Variants in SUMF1 observed in about 807,000 individuals in gnomAD.
SUMF1 encodes the protein sulfatase modifying factor 1, also known as formylglycine-generating enzyme.
Under a neutral mutation model 47.6 loss-of-function variants are expected in SUMF1, and 48 were observed. The observed-to-expected ratio is 1.01, with a 90% CI of 0.80 to 1.28. The LOEUF (loss-of-function observed/expected upper bound fraction) is 1.28. Among genes scored for constraint, SUMF1 ranks in the 50% most tolerant of loss-of-function variants. The probability of loss-of-function intolerance (pLI) is 0.00; values close to 1 mark genes in which losing one functional copy is unlikely to be tolerated. For missense variants in SUMF1, 571 were observed against 485.4 expected, an observed-to-expected ratio of 1.18 and a Z score of -1.66; for synonymous variants, 230 against 192.1, an observed-to-expected ratio of 1.20 and a Z score of -1.63.
intron 9 of SUMF1, among the ~76,000 whole-genome samples, chr3:4,036,106 C>A (rs1029777662): frequency 6.6e-6 from 1 of 151,984 alleles, no homozygotes; most frequent in Non-Finnish European, 1.5e-5. Context: ...ATTTAGCTCC[C>A]ACTAGAATAT....
chr3:4,144,797 A>G (rs1284354521), intron 8 of SUMF1, among the ~76,000 whole-genome samples: 1 of 152,174 alleles, frequency 6.6e-6, no homozygotes, highest in Non-Finnish European at 1.5e-5. Context: ...TGATTTTTGA[A>G]AAACAGATAA....
chr3:4,036,849 CAAAAAAAAAAAA>C (rs3048145), intron 9 of SUMF1, among the ~76,000 whole-genome samples: 19 of 75,144 alleles, frequency 2.5e-4, no homozygotes, highest in Admixed American at 1.7e-3. Context: ...GTCAGTGAGG[CAAAAAAAAAAAA>C]AAAAAAAAAA....
intron 8 of SUMF1, among the ~76,000 whole-genome samples, chr3:4,291,691 G>A (rs780872196): frequency 1.6e-4 from 24 of 152,086 alleles, no homozygotes; most frequent in Non-Finnish European, 2.4e-4. Context: ...GGGGAAAGAC[G>A]AAATTAAGTT....
chr3:4,353,339 G>A (rs1156786355), intron 8 of SUMF1, among the ~76,000 whole-genome samples: 4 of 151,978 alleles, frequency 2.6e-5, no homozygotes, highest in Non-Finnish European at 4.4e-5. Context: ...TGCAAACTCC[G>A]CCTCCCAGGT....
rs1264088755 is a variant in SUMF1, at chr3:4,125,787, G to C, written c.1015-57042C>G. Among the ~76,000 whole-genome samples, 5 of 152,242 alleles carry C rather than the reference G, an allele frequency of 3.3e-5. No individual in the cohort carries two copies. In the East Asian group the frequency reaches 9.7e-4, roughly 29 times the overall value. On this transcript the variant is annotated intron_variant and NMD_transcript_variant, in intron 8 of 12. Transcript: ENST00000448413. ...CTTCCTGGGCTCAAGCAATCCTCCT[G>C]TCTCAGCACCCTCTGGGTAGCAGGG...
At chr3:4,113,663 G>A (rs977745200) in intron 8 of SUMF1, among the ~76,000 whole-genome samples, 1 of 152,006 alleles carries the variant, frequency 6.6e-6, no homozygotes, top group Non-Finnish European at 1.5e-5. Context: ...TCAATACTAA[G>A]AGAAAATACT....
chr3:4,136,179 GC>G (rs1423246227), intron 8 of SUMF1, among the ~76,000 whole-genome samples: 1 of 152,082 alleles, frequency 6.6e-6, no homozygotes, highest in Non-Finnish European at 1.5e-5. Context: ...ACAATCCTAA[GC>G]CAAAAGAACA....
intron 3 of SUMF1, 39 bp from the exon 4 acceptor site, chr3:4,420,185 C>CATCAACTCCAGAAAAAT (rs1559288531): frequency 6.6e-7 from 1 of 1,524,648 alleles, no homozygotes; most frequent in African/African-American, 1.4e-5. Flanking sequence ...TAGCTACTAA[C>CATCAACTCCAGAAAAAT]ATCAACTCTA....
At chr3:4,226,964 C>T (rs1696188339) in intron 8 of SUMF1, among the ~76,000 whole-genome samples, 1 of 152,104 alleles carries the variant, frequency 6.6e-6, no homozygotes, top group Non-Finnish European at 1.5e-5. Flanking sequence ...TGGGTCCCAT[C>T]CTCAGAGTTT....
At chr3:4,458,860 GA>G (rs900819148) in intron 1 of SUMF1, among the ~76,000 whole-genome samples, 2 of 150,292 alleles carry the variant, frequency 1.3e-5, no homozygotes, top group South Asian at 2.1e-4. Context: ...CGTCTCAAGA[GA>G]AAAAAAAAGA....
At chr3:4,466,669 G>T (rs1475222453) in intron 1 of SUMF1, among the ~76,000 whole-genome samples, 1 of 152,126 alleles carries the variant, frequency 6.6e-6, no homozygotes, top group African/African-American at 2.4e-5. Context: ...AGGAAATGGT[G>T]ATTTAAACCA....
rs186297678 is a variant in SUMF1, at chr3:4,437,094, T to C, written c.519+12172A>G. Among the ~76,000 whole-genome samples, 185 of 152,236 alleles carry C rather than the reference T, an allele frequency of 1.2e-3. 1 individual carries two copies. The highest frequency in any genetic ancestry group is 4.3e-3 in the African/African-American group (177 of 41,548). On this transcript the variant is annotated intron_variant, in intron 3 of 8. Coordinates refer to ENST00000272902, the MANE Select transcript of SUMF1 (RefSeq NM_182760.4). ...GGATATCCTTTAGGCAGAAGAGAAATTGATCTCAGACAGAATCCCTGAGAC... is the reference window on the plus strand; with the variant it reads ...GGATATCCTTTAGGCAGAAGAGAAACTGATCTCAGACAGAATCCCTGAGAC...
chr3:4,243,910 T>A (rs1339554979), intron 8 of SUMF1, among the ~76,000 whole-genome samples: 2 of 152,206 alleles, frequency 1.3e-5, no homozygotes, highest in Non-Finnish European at 2.9e-5. Context: ...TTTGTAGGTC[T>A]CTAAGACCTT....
chr3:4,100,297 A>T (rs1042494211), intron 8 of SUMF1, among the ~76,000 whole-genome samples: 8 of 151,976 alleles, frequency 5.3e-5, no homozygotes, highest in African/African-American at 1.9e-4. Context: ...ATATATTCCA[A>T]AGCAATAATA....
At chr3:4,124,325 A>T (rs1693608576) in intron 8 of SUMF1, among the ~76,000 whole-genome samples, 3 of 152,194 alleles carry the variant, frequency 2.0e-5, no homozygotes. Flanking sequence ...TATATCTTGG[A>T]AAGTAGGAGA....
intron 8 of SUMF1, among the ~76,000 whole-genome samples, chr3:4,238,084 T>G (rs1233978557): frequency 6.6e-6 from 1 of 152,144 alleles, no homozygotes; most frequent in African/African-American, 2.4e-5. Flanking sequence ...TCCAGCTTCA[T>G]CCATGTCCCT....
chr3:4,316,659 G>T, intron 8 of SUMF1: 18 of 1,551,158 alleles, frequency 1.2e-5, no homozygotes, highest in Non-Finnish European at 1.5e-5. Flanking sequence ...ACCATTTCTC[G>T]ATCGGATTGT....
intron 8 of SUMF1, among the ~76,000 whole-genome samples, chr3:4,373,670 AT>A (rs1252046229): frequency 2.7e-5 from 4 of 147,602 alleles, no homozygotes; most frequent in East Asian, 2.0e-4. Context: ...TTGCAAAAAA[AT>A]TTAAAATAAG....
intron 8 of SUMF1, among the ~76,000 whole-genome samples, chr3:4,197,712 G>A (rs1033880150): frequency 3.4e-5 from 5 of 148,234 alleles, no homozygotes; most frequent in Admixed American, 6.6e-5. Context: ...ATACTCTATT[G>A]TCTATCCAAA....
Sources: gnomAD v4.1 joint callset for allele counts (sites outside exome capture counted in the v4.1 genomes callset) on GRCh38, gnomAD v4.1.1 for gene constraint, MANE v1.5 for transcripts, NCBI Gene and HGNC (gene_info 2026-07-23, HGNC 2026-07-21) for gene names.